Variants in FUT9 observed in about 807,000 individuals in gnomAD.
FUT9 encodes the protein 4-galactosyl-N-acetylglucosaminide 3-alpha-L-fucosyltransferase 9.
FUT9 carries 15 observed loss-of-function variants against 29.7 expected under a neutral mutation model. The observed-to-expected ratio is 0.51, with a 90% CI of 0.34 to 0.78. The LOEUF (loss-of-function observed/expected upper bound fraction) is 0.78. Ranked by LOEUF, FUT9 falls within the 30% of genes least tolerant of loss-of-function variation. FUT9 has a pLI of 0.01. For missense variants in FUT9, 319 were observed against 425.4 expected, an observed-to-expected ratio of 0.75 and a Z score of 2.20; for synonymous variants, 169 against 153.7, an observed-to-expected ratio of 1.10 and a Z score of -0.74.
Position 96,206,115 on chromosome 6 carries a change from G to A in FUT9, c.*1880G>A, listed in dbSNP as rs568391264. 2.4e-5 allele frequency: 4 copies of A among 167,034 alleles called. No homozygotes were observed. The highest frequency in any genetic ancestry group is 6.5e-5 in the Admixed American group (1 of 15,288). The allele number at this position is 167,034 out of a possible 1,614,324, so 10.3% of individuals were successfully genotyped here. On this transcript the variant is annotated 3_prime_UTR_variant, in exon 3 of 3. Coordinates refer to ENST00000302103, the MANE Select transcript of FUT9 (RefSeq NM_006581.4). ...ACTGTTTATATGCATGTGCTACTCCGAATGACGTTTGTATGGGTCAATGCT... is the reference window on the plus strand; with the variant it reads ...ACTGTTTATATGCATGTGCTACTCCAAATGACGTTTGTATGGGTCAATGCT...
At chr6:96,047,300 GA>G (rs1246580298) in intron 1 of FUT9, among the ~76,000 whole-genome samples, 3 of 152,138 alleles carry the variant, frequency 2.0e-5, no homozygotes, top group Non-Finnish European at 4.4e-5. Context: ...CAGAAGCCAC[GA>G]AAATAGCTAT....
intron 2 of FUT9, among the ~76,000 whole-genome samples, chr6:96,122,135 G>A (rs1772041021): frequency 6.6e-6 from 1 of 152,190 alleles, no homozygotes; most frequent in South Asian, 2.1e-4. Context: ...AACATTGCAT[G>A]AGCCTTATAT....
At chr6:96,064,691 G>A (rs1053773316) in intron 1 of FUT9, among the ~76,000 whole-genome samples, 23 of 152,056 alleles carry the variant, frequency 1.5e-4, no homozygotes, top group African/African-American at 5.6e-4. Context: ...TGGCTTATTT[G>A]TAAGTAGCTT....
intron 2 of FUT9, among the ~76,000 whole-genome samples, chr6:96,159,835 G>T (rs1772864277): frequency 6.6e-6 from 1 of 152,142 alleles, no homozygotes; most frequent in Non-Finnish European, 1.5e-5. Flanking sequence ...GTAATAAACT[G>T]TCTTGATAAA....
At chr6:96,115,339 G>A (rs1017947390) in intron 2 of FUT9, among the ~76,000 whole-genome samples, 6 of 152,038 alleles carry the variant, frequency 3.9e-5, no homozygotes, top group Non-Finnish European at 7.4e-5. Flanking sequence ...GAGACAATTT[G>A]CATTCTTTTT....
intron 2 of FUT9, among the ~76,000 whole-genome samples, chr6:96,115,015 G>T (rs1174791478): frequency 6.6e-6 from 1 of 152,144 alleles, no homozygotes; most frequent in Non-Finnish European, 1.5e-5. Context: ...CACTTGTTTT[G>T]CTGAAGCTCC....
intron 1 of FUT9, among the ~76,000 whole-genome samples, chr6:96,053,600 T>C (rs796547208): frequency 2.2e-4 from 33 of 152,158 alleles, no homozygotes; most frequent in African/African-American, 7.9e-4. Flanking sequence ...TCCCAGCTAC[T>C]TGGGAGGCTG....
At chr6:96,171,496 G>A (rs1171037914) in intron 2 of FUT9, among the ~76,000 whole-genome samples, 2 of 150,190 alleles carry the variant, frequency 1.3e-5, no homozygotes, top group African/African-American at 4.9e-5. Flanking sequence ...GGTGAAATGG[G>A]ACACAATAGT....
chr6:96,180,771 T>G (rs958123011), intron 2 of FUT9, among the ~76,000 whole-genome samples: 1 of 152,076 alleles, frequency 6.6e-6, no homozygotes, highest in African/African-American at 2.4e-5. Flanking sequence ...AGCTCAGAAT[T>G]TGTTCTTTTC....
chr6:96,162,126 G>A (rs1283760085), intron 2 of FUT9, among the ~76,000 whole-genome samples: 2 of 151,938 alleles, frequency 1.3e-5, no homozygotes, highest in East Asian at 3.9e-4. Flanking sequence ...ATTCATCATT[G>A]TTATTTTAAA....
At chr6:96,143,654 G>C (rs1233736040) in intron 2 of FUT9, among the ~76,000 whole-genome samples, 1 of 151,934 alleles carries the variant, frequency 6.6e-6, no homozygotes, top group Non-Finnish European at 1.5e-5. Context: ...ATGTGTGTTA[G>C]GCACAGGGTC....
In FUT9 at chr6:96,141,221, ATTAATC is replaced by A. The variant is rs1445144175; in HGVS notation, c.-9+27100_-9+27105del. On this transcript the variant is annotated intron_variant, in intron 2 of 2. Coordinates refer to ENST00000302103, the MANE Select transcript of FUT9 (RefSeq NM_006581.4). ...ATTACTGTTTTTATACTTTTACAAT[ATTAATC>A]TTAATGATAAAATCTAGACAGAATA... Among the ~76,000 whole-genome samples, 12 of 152,340 alleles carry A rather than the reference ATTAATC, an allele frequency of 7.9e-5. No individual in the cohort carries two copies. The South Asian group carries it at 2.3e-3, about 29-fold the overall frequency.
intron 1 of FUT9, among the ~76,000 whole-genome samples, chr6:96,035,685 TATTTATTATACTAATAAATATA>T (rs1232079198): frequency 2.4e-4 from 34 of 139,254 alleles, no homozygotes; most frequent in East Asian, 1.4e-3. Context: ...TATAATATTA[TATTTATTATACTAATAAATATA>T]ATTTATTATA....
intron 2 of FUT9, among the ~76,000 whole-genome samples, chr6:96,202,016 C>G (rs769769330): frequency 2.6e-5 from 4 of 151,624 alleles, no homozygotes; most frequent in Non-Finnish European, 5.9e-5. Flanking sequence ...TGTTTCTATG[C>G]TAGTTTCTGT....
intron 2 of FUT9, among the ~76,000 whole-genome samples, chr6:96,153,293 A>T (rs1329560845): frequency 6.6e-6 from 1 of 152,116 alleles, no homozygotes; most frequent in Non-Finnish European, 1.5e-5. Flanking sequence ...TCTCATCTGG[A>T]TGTGCTCTGT....
chr6:96,099,278 A>G (rs1419947709), intron 1 of FUT9, among the ~76,000 whole-genome samples: 1 of 152,076 alleles, frequency 6.6e-6, no homozygotes, highest in Admixed American at 6.5e-5. Context: ...TACTATTTTA[A>G]CTTTATGCAC....
chr6:96,129,585 T>C (rs1010180063), intron 2 of FUT9, among the ~76,000 whole-genome samples: 1 of 151,980 alleles, frequency 6.6e-6, no homozygotes, highest in Non-Finnish European at 1.5e-5. Flanking sequence ...TATCTAAATA[T>C]ATACAAATGT....
chr6:96,030,315 T>C (rs1770239664), intron 1 of FUT9, among the ~76,000 whole-genome samples: 3 of 151,524 alleles, frequency 2.0e-5, no homozygotes, highest in Admixed American at 2.0e-4. Context: ...GAACAGACAT[T>C]TTAACAATGG....
chr6:96,172,689 G>A (rs1276771438), intron 2 of FUT9, among the ~76,000 whole-genome samples: 6 of 151,988 alleles, frequency 3.9e-5, no homozygotes, highest in Admixed American at 3.9e-4. Flanking sequence ...AAAGTTTAAG[G>A]CTGACGAGTA....
Sources: allele counts gnomAD v4.1 joint callset (sites outside exome capture counted in the v4.1 genomes callset), GRCh38; gene constraint gnomAD v4.1.1; transcripts MANE v1.5; gene names NCBI Gene and HGNC (gene_info 2026-07-23, HGNC 2026-07-21).